The following ZNF385D variants were observed in gnomAD, a reference collection of about 807,000 sequenced individuals.
ZNF385D encodes zinc finger protein 385D.
ZNF385D carries 15 observed loss-of-function variants against 35.8 expected under a neutral mutation model. That is an observed-to-expected ratio of 0.42 (90% confidence interval 0.28 to 0.64). The LOEUF (loss-of-function observed/expected upper bound fraction) is 0.64. ZNF385D is among the 30% of genes least tolerant of loss of function. The pLI is 0.23. For synonymous variants in ZNF385D, 212 were observed against 186.8 expected, an observed-to-expected ratio of 1.13 and a Z score of -1.10; for missense variants, 474 against 494.6, an observed-to-expected ratio of 0.96 and a Z score of 0.39.
chr3:21,543,591 C>G (rs1455723580), intron 3 of ZNF385D, among the ~76,000 whole-genome samples: 3 of 152,112 alleles, frequency 2.0e-5, no homozygotes, highest in Non-Finnish European at 2.9e-5. Context: ...CTACTCCATC[C>G]GACAGTAATT....
At chr3:22,312,336 T>C (rs953719874) in intron 2 of ZNF385D, among the ~76,000 whole-genome samples, 2 of 152,032 alleles carry the variant, frequency 1.3e-5, no homozygotes, top group Admixed American at 6.6e-5. Context: ...AGCATGAAGA[T>C]ACAAAATTAA....
intron 3 of ZNF385D, among the ~76,000 whole-genome samples, chr3:22,113,242 G>C (rs186799018): frequency 1.3e-5 from 2 of 152,144 alleles, no homozygotes; most frequent in Admixed American, 1.3e-4. Context: ...TTATTTCTGA[G>C]TAATTTCTCA....
At chr3:21,865,626 G>A (rs1697305431) in intron 3 of ZNF385D, among the ~76,000 whole-genome samples, 4 of 152,112 alleles carry the variant, frequency 2.6e-5, no homozygotes, top group Admixed American at 2.6e-4. Context: ...TGGGAGAGCA[G>A]AGAGCTGAAC....
At chr3:21,560,678 G>T (rs565732562) in intron 3 of ZNF385D, among the ~76,000 whole-genome samples, 4 of 152,304 alleles carry the variant, frequency 2.6e-5, no homozygotes, top group African/African-American at 7.2e-5. Flanking sequence ...CGCTGTGCTG[G>T]GAGATCCGCT....
At chr3:22,060,077 C>A (rs1163298634) in intron 3 of ZNF385D, among the ~76,000 whole-genome samples, 1 of 152,190 alleles carries the variant, frequency 6.6e-6, no homozygotes, top group Non-Finnish European at 1.5e-5. Context: ...ATTTATACAG[C>A]CTTCCTTGCC....
intron 3 of ZNF385D, among the ~76,000 whole-genome samples, chr3:21,893,377 T>C (rs1345401025): frequency 6.6e-6 from 1 of 152,142 alleles, no homozygotes; most frequent in Non-Finnish European, 1.5e-5. Context: ...AAAAGTGCCT[T>C]GCACAGACAG....
rs767521948 is a variant in ZNF385D, at chr3:21,421,410, A to G, written c.992T>C (p.Leu331Ser). Residue 331 changes from leucine to serine, a missense_variant, in exon 8 of 8, where the codon TTG (leucine) becomes TCG (serine). Transcript: ENST00000281523. ...LVFSKEPSKP[L>S]APRILPNPLA... ...AGGATTTGGTAGAATTCGTGGAGCC[A>G]ATGGCTTTGAAGGTTCTTTTGAAAA... The G allele has an allele frequency of 1.3e-5, 21 of 1,613,844 alleles. No homozygotes were observed. The highest frequency in any genetic ancestry group is 8.5e-7 in the Non-Finnish European group (1 of 1,179,842).
At chr3:22,254,570 T>G (rs1700220114) in intron 2 of ZNF385D, among the ~76,000 whole-genome samples, 1 of 151,850 alleles carries the variant, frequency 6.6e-6, no homozygotes, top group African/African-American at 2.4e-5. Flanking sequence ...TAGTACCCCC[T>G]TATCTATATT....
chr3:21,930,679 G>A (rs1016330979), intron 3 of ZNF385D, among the ~76,000 whole-genome samples: 5 of 152,132 alleles, frequency 3.3e-5, no homozygotes, highest in Non-Finnish European at 7.4e-5. Flanking sequence ...TACACATGTG[G>A]TCAACTGATT....
intron 3 of ZNF385D, among the ~76,000 whole-genome samples, chr3:21,851,981 T>C (rs1384861842): frequency 6.6e-6 from 1 of 152,042 alleles, no homozygotes; most frequent in East Asian, 1.9e-4. Context: ...TCTGATATTG[T>C]TACTTATCTT....
chr3:21,803,893 T>A (rs2072518630), intron 3 of ZNF385D, among the ~76,000 whole-genome samples: 2 of 152,234 alleles, frequency 1.3e-5, no homozygotes, highest in African/African-American at 4.8e-5. Context: ...ATTTTGGAAC[T>A]GCATTCAATG....
rs1279295191 is a variant in ZNF385D, at chr3:21,978,457, C to T, written c.325+190360G>A. ...AAGGGGGAGAAACATAACCCAGGAA[C>T]TATGCCATCACTGGCAAAAGTAGAT... On this transcript the variant is annotated intron_variant, in intron 3 of 5. Transcript: ENST00000494108. Among the ~76,000 whole-genome samples the T allele has an allele frequency of 2.6e-5, 4 of 152,152 alleles. No homozygotes were observed. In the East Asian group the frequency reaches 7.7e-4, roughly 29 times the overall value.
intron 2 of ZNF385D, among the ~76,000 whole-genome samples, chr3:22,295,419 C>T (rs1702518200): frequency 6.6e-6 from 1 of 152,030 alleles, no homozygotes; most frequent in Non-Finnish European, 1.5e-5. Flanking sequence ...GATCTGACTC[C>T]AGCCTCCTAT....
chr3:22,228,640 G>A (rs1269418131), intron 2 of ZNF385D, among the ~76,000 whole-genome samples: 1 of 152,200 alleles, frequency 6.6e-6, no homozygotes, highest in Non-Finnish European at 1.5e-5. Flanking sequence ...TTGGTTTGAA[G>A]GTTGCAAAGT....
chr3:21,427,661 G>A (rs1394231579), intron 5 of ZNF385D, among the ~76,000 whole-genome samples: 1 of 152,070 alleles, frequency 6.6e-6, no homozygotes, highest in Admixed American at 6.6e-5. Context: ...AAAATATGGT[G>A]CTTCTCAGAA....
intron 2 of ZNF385D, among the ~76,000 whole-genome samples, chr3:22,191,915 A>G (rs1396920944): frequency 1.1e-5 from 1 of 88,162 alleles, no homozygotes; most frequent in Non-Finnish European, 2.1e-5. Flanking sequence ...AATCTATAAA[A>G]AAACAATGGT....
intron 2 of ZNF385D, among the ~76,000 whole-genome samples, chr3:21,578,709 A>T (rs2063565804): frequency 6.6e-6 from 1 of 152,158 alleles, no homozygotes; most frequent in Non-Finnish European, 1.5e-5. Context: ...CTTTCATGCC[A>T]GAACCATGCT....
At chr3:22,250,545 A>T (rs562823490) in intron 2 of ZNF385D, among the ~76,000 whole-genome samples, 1 of 152,206 alleles carries the variant, frequency 6.6e-6, no homozygotes, top group Admixed American at 6.5e-5. Flanking sequence ...AGCAAAATGT[A>T]CTTTATAAAG....
intron 3 of ZNF385D, among the ~76,000 whole-genome samples, chr3:22,061,345 C>G (rs1174833896): frequency 6.6e-6 from 1 of 151,794 alleles, no homozygotes; most frequent in Non-Finnish European, 1.5e-5. Flanking sequence ...TATTTTAGTC[C>G]CCCCATTTCT....
Sources: allele counts gnomAD v4.1 joint callset (sites outside exome capture counted in the v4.1 genomes callset), GRCh38; gene constraint gnomAD v4.1.1; transcripts MANE v1.5; gene names NCBI Gene and HGNC (gene_info 2026-07-23, HGNC 2026-07-21).